The following URB1 variants were observed in gnomAD, a reference collection of about 807,000 sequenced individuals.
URB1 encodes nucleolar pre-ribosomal-associated protein 1.
In URB1, 197 loss-of-function variants were observed where a neutral mutation model predicts 242.3. That is an observed-to-expected ratio of 0.81 (90% CI 0.72 to 0.91). The LOEUF (loss-of-function observed/expected upper bound fraction) is 0.91, where lower values mean the gene tolerates loss of function less well. Ranked by LOEUF, URB1 falls within the 40% of genes least tolerant of loss-of-function variation. URB1 has a pLI of 0.00. For missense variants in URB1, 2,721 were observed against 2,860.5 expected, an observed-to-expected ratio of 0.95 and a Z score of 1.11; for synonymous variants, 1,153 against 1,201.8, an observed-to-expected ratio of 0.96 and a Z score of 0.84.
chr21:32,366,862 G>C, intron 9 of URB1, 107 bp from the exon 10 acceptor site: 1 of 1,265,292 alleles, frequency 7.9e-7, no homozygotes. Flanking sequence ...TAATTATAGC[G>C]GTAAAGGTCC....
At chr21:32,335,961 T>G (rs1054778935) in intron 28 of URB1, among the ~76,000 whole-genome samples, 1 of 152,184 alleles carries the variant, frequency 6.6e-6, no homozygotes, top group African/African-American at 2.4e-5. Flanking sequence ...CGCTTGGCGT[T>G]CTCTGCTGTG....
chr21:32,349,837 G>A (rs1158106503), intron 20 of URB1, among the ~76,000 whole-genome samples: 1 of 151,576 alleles, frequency 6.6e-6, no homozygotes, highest in African/African-American at 2.4e-5. Context: ...GCTCACGCCT[G>A]TAATCCCAGC....
In URB1 at chr21:32,311,534, G is replaced by C. The variant is rs988142407; in HGVS notation, c.*3384C>G. Reference sequence around the variant, plus strand: ...TTCTCTAGAATGGCCACCTTTGTGAGCTGGCTGACCCTTCTCAGGAATTTG... The same window carrying C: ...TTCTCTAGAATGGCCACCTTTGTGACCTGGCTGACCCTTCTCAGGAATTTG... On this transcript the variant is annotated 3_prime_UTR_variant, in exon 39 of 39. Transcript: ENST00000382751. The C allele has an allele frequency of 1.4e-5, 16 of 1,143,168 alleles. No homozygotes were observed. Among genetic ancestry groups the C allele is most frequent in the Non-Finnish European group, 2.0e-5 (16 of 815,928 alleles). 70.8% of individuals were successfully genotyped at this position (1,143,168 alleles called of 1,614,324 possible). A position where few individuals can be genotyped will look rare whatever the true frequency, so the allele number is the denominator to read the frequency against.
Position 32,350,710 on chromosome 21 carries a change from G to C in URB1, c.2826C>G (p.Phe942Leu), listed in dbSNP as rs769221746. The change falls in exon 20 of 39, where the codon TTC becomes TTG. Residue 942 changes from phenylalanine (F) to leucine (L), a missense_variant. By Grantham distance (22) the Phe-to-Leu change is conservative. Transcript: ENST00000382751. ...GGATGGGGGCAACGCTGACCTGGCC[G>C]AAGTTCTCCACAGTGCTCCGCAGGT... ...LLYLRSTVENFGQLGRSVGPP... is the reference protein window; with the variant it reads ...LLYLRSTVENLGQLGRSVGPP... 10 of 1,550,838 alleles carry C rather than the reference G, an allele frequency of 6.4e-6. No homozygotes were observed. The highest frequency in any genetic ancestry group is 7.8e-6 in the Non-Finnish European group (9 of 1,146,606).
At chr21:32,378,406 A>T in intron 5 of URB1, 39 bp downstream of exon 5, 1 of 1,534,306 alleles carries the variant, frequency 6.5e-7, no homozygotes, top group Non-Finnish European at 8.8e-7. Flanking sequence ...GTTTTTCAAA[A>T]CAAATGGGCT....
intron 28 of URB1, among the ~76,000 whole-genome samples, chr21:32,336,786 A>G (rs2032964727): frequency 6.6e-6 from 1 of 152,252 alleles, no homozygotes; most frequent in South Asian, 2.1e-4. Context: ...CATGAGCAGA[A>G]AAGTTTTCAG....
intron 1 of URB1, among the ~76,000 whole-genome samples, chr21:32,388,350 C>G (rs2033604632): frequency 6.6e-6 from 1 of 152,216 alleles, no homozygotes; most frequent in African/African-American, 2.4e-5. Context: ...GGTAAACCCT[C>G]AAAACATAAG....
Position 32,357,615 on chromosome 21 carries a change from T to C in URB1, c.1911A>G (p.Val637=), listed in dbSNP as rs547280761. The C allele has an allele frequency of 2.0e-6, 3 of 1,525,776 alleles. No homozygotes were observed. Among genetic ancestry groups the C allele is most frequent in the East Asian group, 2.5e-5 (1 of 39,460 alleles). 94.5% of individuals were successfully genotyped at this position (1,525,776 alleles called of 1,614,324 possible). ...DAEIIGGERS[V]FYLLMKMFVT... ...CAAACATTTTCATTAGTAAGTAAAA[T>C]ACTGATCGTTCACCTCCAATAATTT... is the stretch of plus-strand genomic sequence containing the variant. Residue 637 remains valine, a synonymous_variant, in exon 15 of 39, where the codon GTA becomes GTG. Transcript: ENST00000382751.
chr21:32,340,378 G>A lies in URB1; in HGVS notation c.4316+1088C>T, dbSNP rs145733344. Among the ~76,000 whole-genome samples the A allele has an allele frequency of 2.6e-3, 395 of 152,310 alleles. 5 individuals are homozygous for A. The highest frequency in any genetic ancestry group is 9.0e-3 in the African/African-American group (375 of 41,560). ...TGTAATCCCAGCACTTTGGGAGGCC[G>A]AGGCAGGTGGATTACCTGAGGTCAG... On this transcript the variant is annotated intron_variant, in intron 25 of 38. Coordinates refer to ENST00000382751, the MANE Select transcript of URB1 (RefSeq NM_014825.3).
intron 1 of URB1, among the ~76,000 whole-genome samples, chr21:32,391,549 G>A (rs1279220748): frequency 6.6e-6 from 1 of 152,096 alleles, no homozygotes; most frequent in Non-Finnish European, 1.5e-5. Context: ...TCGACTGTTT[G>A]TAAACCCCAC....
rs924512667 is a variant in URB1, at chr21:32,359,240, T to C, written c.1869+556A>G. On this transcript the variant is annotated intron_variant, in intron 14 of 38. Coordinates refer to ENST00000382751, the MANE Select transcript of URB1 (RefSeq NM_014825.3). Reference sequence around the variant, plus strand: ...TTCCCTCCTCCTCTTTGCATAGAAATGATGCAGCATCCTGGGCTTAAGCCC... The same window carrying C: ...TTCCCTCCTCCTCTTTGCATAGAAACGATGCAGCATCCTGGGCTTAAGCCC... 2.0e-5 allele frequency among the ~76,000 whole-genome samples: 3 copies of C among 152,222 alleles called. No homozygotes were observed. The South Asian group carries it at 6.2e-4, about 31-fold the overall frequency.
chr21:32,314,606 A>G lies in URB1; in HGVS notation c.*312T>C. 6.2e-7 allele frequency: 1 copy of G among 1,614,180 alleles called. No homozygotes were observed. Among genetic ancestry groups the G allele is most frequent in the Non-Finnish European group, 8.5e-7 (1 of 1,180,030 alleles). On this transcript the variant is annotated 3_prime_UTR_variant, in exon 39 of 39. Transcript: ENST00000382751. ...AGAAGTGCTGCCTCAAACTCGAGCT[A>G]TTTCCTGTGATGAGCTCCAAGCCCC... is the stretch of plus-strand genomic sequence containing the variant.
In URB1 at chr21:32,333,061, ACAT is replaced by A. The variant is rs776702233; in HGVS notation, c.4960+253_4960+255del. On this transcript the variant is annotated intron_variant, in intron 30 of 38. Coordinates refer to ENST00000382751, the MANE Select transcript of URB1 (RefSeq NM_014825.3). ...ATGTTCATCATTAGGAATTAGGAAA[ACAT>A]CAAAGACAATTGGACATTTCCAGAT... 568 of 447,548 alleles carry A rather than the reference ACAT, an allele frequency of 1.3e-3. 2 individuals carry two copies. Among genetic ancestry groups the A allele is most frequent in the Middle Eastern group, 3.0e-3 (5 of 1,662 alleles). 27.7% of individuals were successfully genotyped at this position (447,548 alleles called of 1,614,324 possible).
At chr21:32,389,059 G>A (rs758951137) in intron 1 of URB1, among the ~76,000 whole-genome samples, 8 of 152,218 alleles carry the variant, frequency 5.3e-5, no homozygotes, top group Non-Finnish European at 1.2e-4. Context: ...TAAGTGCTAT[G>A]AAGCAAACAT....
intron 30 of URB1, among the ~76,000 whole-genome samples, chr21:32,332,733 A>T (rs1291784652): frequency 6.6e-6 from 1 of 152,168 alleles, no homozygotes; most frequent in East Asian, 1.9e-4. Flanking sequence ...AGAAAAATGC[A>T]AATTCAAGCC....
rs149975640 is a variant in URB1, at chr21:32,344,857, A to C, written c.4071-101T>G. The C allele has an allele frequency of 2.2e-3, 2,866 of 1,316,644 alleles. 10 individuals are homozygous for C. The Middle Eastern group carries it at 0.028, about 13-fold the overall frequency. The allele number at this position is 1,316,644 out of a possible 1,614,324, so 81.6% of individuals were successfully genotyped here. On this transcript the variant is annotated intron_variant, in intron 23 of 38. Coordinates refer to ENST00000382751, the MANE Select transcript of URB1 (RefSeq NM_014825.3). ...AAAGAGCCATATGGGATAGATGCTG[A>C]GTCCTGCTCCCCACACTACCCACTC...
chr21:32,317,522 A>C (rs1047000680), intron 37 of URB1, among the ~76,000 whole-genome samples, 154 bp downstream of exon 37: 10 of 152,166 alleles, frequency 6.6e-5, no homozygotes, highest in Non-Finnish European at 1.3e-4. Context: ...AAGGCTGCCC[A>C]GCTCCCCATC....
chr21:32,387,311 T>C (rs776538947), intron 1 of URB1, among the ~76,000 whole-genome samples: 45 of 152,094 alleles, frequency 3.0e-4, no homozygotes, highest in Non-Finnish European at 5.3e-4. Context: ...AGAGAATCAC[T>C]TGAACCTGCC....
chr21:32,347,330 G>A lies in URB1; in HGVS notation c.3494C>T (p.Pro1165Leu). Residue 1165 changes from proline (P) to leucine (L), a missense_variant, in exon 22 of 39, where the codon CCC (proline) becomes CTC (leucine). Transcript: ENST00000382751. ...KTLVQLLTCS[P>L]QDQLQSGELL... Reference sequence around the variant, plus strand: ...CTCACCACTCTGCAGCTGATCCTGGGGGCTGCAGGTCAGCAGCTGCACCAG... The same window carrying A: ...CTCACCACTCTGCAGCTGATCCTGGAGGCTGCAGGTCAGCAGCTGCACCAG... 1 of 1,551,312 alleles carries A rather than the reference G, an allele frequency of 6.4e-7. No homozygotes were observed. Among genetic ancestry groups the A allele is most frequent in the Non-Finnish European group, 8.7e-7 (1 of 1,147,002 alleles).
Sources: gnomAD v4.1 joint callset for allele counts (sites outside exome capture counted in the v4.1 genomes callset) on GRCh38, gnomAD v4.1.1 for gene constraint, MANE v1.5 for transcripts, NCBI Gene and HGNC (gene_info 2026-07-23, HGNC 2026-07-21) for gene names.